The following PRKAG2 variants were observed in gnomAD, a reference collection of about 807,000 sequenced individuals.
The protein encoded by PRKAG2 is 5'-AMP-activated protein kinase subunit gamma-2.
A neutral mutation model predicts 69.6 loss-of-function variants in PRKAG2; 26 were observed. That is an observed-to-expected ratio of 0.37 (90% confidence interval 0.27 to 0.52). The LOEUF (loss-of-function observed/expected upper bound fraction) is 0.52. PRKAG2 is among the 20% of genes least tolerant of loss of function. The probability of loss-of-function intolerance (pLI) is 0.90; values close to 1 mark genes in which losing one functional copy is unlikely to be tolerated. For missense variants in PRKAG2, 557 were observed against 740.0 expected, an observed-to-expected ratio of 0.75 and a Z score of 2.87; for synonymous variants, 293 against 285.0, an observed-to-expected ratio of 1.03 and a Z score of -0.28.
intron 1 of PRKAG2, among the ~76,000 whole-genome samples, chr7:151,855,348 GCTCCACACACACCGCC>G (rs2079723994): frequency 7.6e-4 from 1 of 1,322 alleles, no homozygotes; most frequent in Non-Finnish European, 1.2e-3. Flanking sequence ...CACACACCAT[GCTCCACACACACCGCC>G]CTCCACACAC....
At chr7:151,854,261 T>A (rs67976709) in intron 1 of PRKAG2, among the ~76,000 whole-genome samples, 65,824 of 152,242 alleles carry the variant, frequency 0.43, 14,939 homozygotes, top group Middle Eastern at 0.53. Flanking sequence ...TGCATCTCTA[T>A]CTACATGCAT....
intron 4 of PRKAG2, among the ~76,000 whole-genome samples, chr7:151,668,087 T>C (rs555735730): frequency 1.3e-5 from 2 of 152,310 alleles, no homozygotes; most frequent in African/African-American, 4.8e-5. Flanking sequence ...GTTTGGGCCA[T>C]GGGGGCAGGT....
intron 3 of PRKAG2, among the ~76,000 whole-genome samples, chr7:151,679,657 G>A (rs1356907716): frequency 1.3e-5 from 2 of 152,160 alleles, no homozygotes; most frequent in East Asian, 3.9e-4. Flanking sequence ...AAACCCCTCT[G>A]GGGGGCTGGG....
At chr7:151,571,399 G>C (rs893487548) in intron 9 of PRKAG2, among the ~76,000 whole-genome samples, 1 of 151,960 alleles carries the variant, frequency 6.6e-6, no homozygotes, top group Non-Finnish European at 1.5e-5. Context: ...AGTAGAGAGA[G>C]GGTTTCACCA....
intron 3 of PRKAG2, among the ~76,000 whole-genome samples, chr7:151,723,739 A>G (rs1325590031): frequency 6.6e-6 from 1 of 152,172 alleles, no homozygotes; most frequent in African/African-American, 2.4e-5. Context: ...GTCTTGGTGA[A>G]AGGTGTGTGA....
At chr7:151,873,136 C>T (rs568449308) in intron 1 of PRKAG2, among the ~76,000 whole-genome samples, 2 of 152,336 alleles carry the variant, frequency 1.3e-5, no homozygotes, top group East Asian at 3.9e-4. Context: ...CTGATCCAGT[C>T]TCAAAGCATT....
At position 151,560,473 on chromosome 7, in the gene PRKAG2, C is replaced by T. The variant is rs777727205; in HGVS notation, c.1678+51G>A. ...TTAAATGCTGCACTTCCTGTTCTAC[C>T]TCCCACCCTTCCTAGACGCCGATGG... On this transcript the variant is annotated intron_variant, in intron 15 of 15. Coordinates refer to ENST00000287878, the MANE Select transcript of PRKAG2 (RefSeq NM_016203.4). The T allele has an allele frequency of 6.8e-6, 11 of 1,613,424 alleles. No homozygotes were observed. In the African/African-American group the frequency reaches 9.4e-5, roughly 14 times the overall value.
At chr7:151,873,088 T>A (rs1281978954) in intron 1 of PRKAG2, among the ~76,000 whole-genome samples, 2 of 152,244 alleles carry the variant, frequency 1.3e-5, no homozygotes, top group Non-Finnish European at 2.9e-5. Context: ...CTTGTATTTT[T>A]AGTTACTACA....
chr7:151,557,135 T>C lies in PRKAG2; in HGVS notation c.*66A>G. 4.3e-6 allele frequency: 7 copies of C among 1,612,642 alleles called. No homozygotes were observed. The highest frequency in any genetic ancestry group is 2.2e-5 in the East Asian group (1 of 44,872). ...CTTAACCACTTGCAGCCAGTGTTCA[T>C]GAGGCAAAACGTGACCCAGAGACTT... On this transcript the variant is annotated 3_prime_UTR_variant, in exon 16 of 16. Coordinates refer to ENST00000287878, the MANE Select transcript of PRKAG2 (RefSeq NM_016203.4).
At chr7:151,732,549 G>C (rs886780859) in intron 3 of PRKAG2, among the ~76,000 whole-genome samples, 1 of 152,164 alleles carries the variant, frequency 6.6e-6, no homozygotes, top group African/African-American at 2.4e-5. Context: ...GAGCAACCCT[G>C]GGCTGGAACG....
At chr7:151,689,004 G>T (rs931148370) in intron 3 of PRKAG2, among the ~76,000 whole-genome samples, 17 of 152,320 alleles carry the variant, frequency 1.1e-4, no homozygotes, top group Non-Finnish European at 2.1e-4. Flanking sequence ...TCTCTGAGGA[G>T]CCCTGAATAG....
chr7:151,727,977 C>A (rs1279744700), intron 3 of PRKAG2, among the ~76,000 whole-genome samples: 1 of 152,192 alleles, frequency 6.6e-6, no homozygotes, highest in Non-Finnish European at 1.5e-5. Flanking sequence ...GGGGCGGACG[C>A]CCGGACACTC....
intron 6 of PRKAG2, among the ~76,000 whole-genome samples, chr7:151,593,803 C>T (rs1813794574): frequency 6.6e-6 from 1 of 152,158 alleles, no homozygotes; most frequent in Admixed American, 6.5e-5. Context: ...TTACCTGGTC[C>T]AAAGTGAACT....
intron 4 of PRKAG2, among the ~76,000 whole-genome samples, chr7:151,633,885 T>G (rs977827510): frequency 6.6e-6 from 1 of 152,188 alleles, no homozygotes; most frequent in African/African-American, 2.4e-5. Context: ...AATAAGCTTA[T>G]TCTAAAATTT....
intron 1 of PRKAG2, among the ~76,000 whole-genome samples, chr7:151,830,915 TGAA>T (rs2079011984): frequency 1.3e-5 from 2 of 151,874 alleles, no homozygotes; most frequent in African/African-American, 4.8e-5. Flanking sequence ...TTCTTTTAGG[TGAA>T]GGAGTTTCCC....
rs147507783 is a variant in PRKAG2 at position 151,631,765 on chromosome 7, C to T, written c.754+304G>A. The stretch of plus-strand genomic sequence containing the variant: ...ACAAACAATTAGCGCTCCCTGACAC[C>T]TTGCTGTAATTCGAGTTCGGCGAGT... On this transcript the variant is annotated intron_variant, in intron 5 of 15. Transcript: ENST00000287878. 33 of 475,118 alleles carry T rather than the reference C, an allele frequency of 6.9e-5. No individual in the cohort carries two copies. In the Middle Eastern group the frequency reaches 1.3e-3, roughly 18 times the overall value. 29.4% of individuals were successfully genotyped at this position (475,118 alleles called of 1,614,324 possible).
At chr7:151,619,604 AAAAT>A (rs915229851) in intron 5 of PRKAG2, among the ~76,000 whole-genome samples, 2 of 152,218 alleles carry the variant, frequency 1.3e-5, no homozygotes, top group Non-Finnish European at 2.9e-5. Flanking sequence ...AAAATTGTAT[AAAAT>A]AACTTCAGAC....
intron 15 of PRKAG2, 114 bp downstream of exon 15, chr7:151,560,410 C>T (rs775772495): frequency 1.2e-6 from 2 of 1,604,000 alleles, no homozygotes; most frequent in Non-Finnish European, 1.7e-6. Flanking sequence ...GTAATATACT[C>T]AAAGCCTTGA....
intron 1 of PRKAG2, among the ~76,000 whole-genome samples, chr7:151,798,532 C>CT (rs2077674153): frequency 6.6e-6 from 1 of 152,188 alleles, no homozygotes; most frequent in Non-Finnish European, 1.5e-5. Flanking sequence ...CCAGGCTGGT[C>CT]TTGAACTCCT....
Sources: allele counts gnomAD v4.1 joint callset (sites outside exome capture counted in the v4.1 genomes callset), GRCh38; gene constraint gnomAD v4.1.1; transcripts MANE v1.5; gene names NCBI Gene and HGNC (gene_info 2026-07-23, HGNC 2026-07-21).